The following RABGAP1L variants were observed in gnomAD, a reference collection of about 807,000 sequenced individuals.
The protein encoded by RABGAP1L is RAB GTPase activating protein 1 like.
A neutral mutation model predicts 137.7 loss-of-function variants in RABGAP1L; 63 were observed. That is an observed-to-expected ratio of 0.46 (90% CI 0.37 to 0.56). The LOEUF is 0.56. Ranked by LOEUF, RABGAP1L falls within the 20% of genes least tolerant of loss-of-function variation. RABGAP1L has a pLI of 0.00. For missense variants in RABGAP1L, 1,095 were observed against 1,244.0 expected (o/e 0.88, Z 1.80); for synonymous variants, 431 against 433.7 (o/e 0.99, Z 0.08).
rs1672029456 is a variant in RABGAP1L at position 174,991,151 on chromosome 1, G to T, written c.*1150G>T. On this transcript the variant is annotated 3_prime_UTR_variant, in exon 26 of 26. Transcript: ENST00000681986. ...ACAGAAATACTTATCTCATGGAAAG[G>T]TAAAGCTATTGTTTAAAAATTAGTG... 1 of 152,246 alleles carries T rather than the reference G, an allele frequency of 6.6e-6. No individual in the cohort carries two copies. The highest frequency in any genetic ancestry group is 2.1e-4 in the South Asian group (1 of 4,816). 9.4% of individuals were successfully genotyped at this position (152,246 alleles called of 1,614,324 possible).
chr1:174,434,059 G>C (rs1430625436), intron 13 of RABGAP1L, among the ~76,000 whole-genome samples: 1 of 150,780 alleles, frequency 6.6e-6, no homozygotes, highest in African/African-American at 2.5e-5. Context: ...CATACCTCTT[G>C]CCAGTCTTGA....
intron 18 of RABGAP1L, among the ~76,000 whole-genome samples, chr1:174,789,908 CA>C (rs1222682454): frequency 1.3e-5 from 2 of 152,044 alleles, no homozygotes; most frequent in Admixed American, 1.3e-4. Flanking sequence ...TAATTGGATA[CA>C]GAGATAATAC....
intron 13 of RABGAP1L, among the ~76,000 whole-genome samples, chr1:174,437,767 T>G (rs1447434820): frequency 1.1e-4 from 17 of 152,052 alleles, no homozygotes; most frequent in Non-Finnish European, 1.5e-5. Flanking sequence ...CACATAATTG[T>G]CAGATTTACC....
chr1:174,161,863 G>A (rs1046802130), intron 1 of RABGAP1L, among the ~76,000 whole-genome samples: 7 of 152,262 alleles, frequency 4.6e-5, no homozygotes, highest in African/African-American at 1.4e-4. Context: ...TGAGTAGCTG[G>A]GACCACAGGC....
At chr1:174,485,735 G>C (rs1659555177) in intron 13 of RABGAP1L, among the ~76,000 whole-genome samples, 1 of 152,106 alleles carries the variant, frequency 6.6e-6, no homozygotes, top group African/African-American at 2.4e-5. Flanking sequence ...GTTGAATTTG[G>C]TCTGCTAGTG....
chr1:174,516,978 T>G (rs946215407), intron 13 of RABGAP1L, among the ~76,000 whole-genome samples: 1 of 132,136 alleles, frequency 7.6e-6, no homozygotes, highest in Non-Finnish European at 1.7e-5. Flanking sequence ...TAAAATAAAT[T>G]ATTGATGCTT....
intron 9 of RABGAP1L, 55 bp from the exon 10 acceptor site, chr1:174,278,558 A>G: frequency 7.1e-7 from 1 of 1,412,628 alleles, no homozygotes; most frequent in East Asian, 2.3e-5. Context: ...AACTTTGTTT[A>G]AAGTAGACAA....
chr1:174,516,162 C>T (rs1171803211), intron 13 of RABGAP1L, among the ~76,000 whole-genome samples: 1 of 150,772 alleles, frequency 6.6e-6, no homozygotes, highest in African/African-American at 2.5e-5. Context: ...CACACACACA[C>T]ACACGCTTTG....
At chr1:174,202,312 G>A (rs1433110793) in intron 1 of RABGAP1L, among the ~76,000 whole-genome samples, 4 of 152,064 alleles carry the variant, frequency 2.6e-5, no homozygotes, top group Non-Finnish European at 2.9e-5. Flanking sequence ...TCCAGCACCT[G>A]TTGTTTCCTG....
rs188265213 is a variant in RABGAP1L, at chr1:174,416,895, A to T, written c.1710+22750A>T. ...ATATCTAGGATTTGAGGTGTTTCTT[A>T]ATTTACCAAACGGGAATTGATTATA... On this transcript the variant is annotated intron_variant, in intron 13 of 25. Transcript: ENST00000681986. Among the ~76,000 whole-genome samples the T allele has an allele frequency of 6.7e-3, 1,020 of 152,212 alleles. 12 individuals carry two copies. The highest frequency in any genetic ancestry group is 0.023 in the African/African-American group (959 of 41,534).
intron 13 of RABGAP1L, among the ~76,000 whole-genome samples, chr1:174,555,530 G>GT (rs1290926279): frequency 6.8e-6 from 1 of 147,886 alleles, no homozygotes; most frequent in African/African-American, 2.7e-5. Flanking sequence ...AAAAATGTAT[G>GT]TCCCCCCCCC....
intron 13 of RABGAP1L, among the ~76,000 whole-genome samples, chr1:174,501,451 A>G (rs1181684223): frequency 2.6e-5 from 4 of 151,948 alleles, no homozygotes; most frequent in African/African-American, 9.7e-5. Context: ...GGCCTCCCAA[A>G]GTGCTGGGAT....
chr1:174,703,795 A>G (rs1679848613), intron 17 of RABGAP1L, among the ~76,000 whole-genome samples: 1 of 152,216 alleles, frequency 6.6e-6, no homozygotes, highest in Non-Finnish European at 1.5e-5. Flanking sequence ...ATAAGATAAT[A>G]TCATGTTATG....
At chr1:174,712,832 AG>A (rs1233239335) in intron 17 of RABGAP1L, among the ~76,000 whole-genome samples, 1 of 152,174 alleles carries the variant, frequency 6.6e-6, no homozygotes, top group Non-Finnish European at 1.5e-5. Context: ...TCCATCAGTC[AG>A]TGGCCTGCTG....
chr1:174,586,900 G>A (rs768937343), intron 13 of RABGAP1L, among the ~76,000 whole-genome samples: 13 of 152,086 alleles, frequency 8.5e-5, no homozygotes, highest in Non-Finnish European at 1.5e-4. Flanking sequence ...CTGGCCAAAT[G>A]ATCTGTTTTA....
At chr1:174,279,954 T>A (rs547839179) in intron 10 of RABGAP1L, among the ~76,000 whole-genome samples, 1 of 151,936 alleles carries the variant, frequency 6.6e-6, no homozygotes, top group East Asian at 1.9e-4. Flanking sequence ...ATTCTTCTAA[T>A]GATGATAAAT....
rs202016873 is a variant in RABGAP1L at position 174,454,551 on chromosome 1, A to ATT, written c.1710+60423_1710+60424dup. Among the ~76,000 whole-genome samples, 117 of 132,828 alleles carry ATT rather than the reference A, an allele frequency of 8.8e-4. 6 individuals carry two copies. The highest frequency in any genetic ancestry group is 3.2e-3 in the South Asian group (13 of 4,106). 87.1% of individuals were successfully genotyped at this position (132,828 alleles called of 152,430 possible). A position where few individuals can be genotyped will look rare whatever the true frequency, so the allele number is the denominator to read the frequency against. ...TGAAATGGATCTCAATCACTGTAGGATTTTTTTTTTTTTTTTTTAGACAGA... is the reference window on the plus strand; with the variant it reads ...TGAAATGGATCTCAATCACTGTAGGATTTTTTTTTTTTTTTTTTTTAGACAGA... On this transcript the variant is annotated intron_variant, in intron 13 of 25. Coordinates refer to ENST00000681986, the MANE Select transcript of RABGAP1L (RefSeq NM_001366446.1).
In RABGAP1L at chr1:174,542,214, A is replaced by G. The variant is rs549510874; in HGVS notation, c.1711-95161A>G. On this transcript the variant is annotated intron_variant, in intron 13 of 25. Transcript: ENST00000681986. ...TCTGGTAGAATTCAGCTGTGAATCC[A>G]TCTGGTCCTGGACTTTTTTTGGTTG... 8.8e-4 allele frequency among the ~76,000 whole-genome samples: 134 copies of G among 152,258 alleles called. 1 individual carries two copies. The highest frequency in any genetic ancestry group is 1.6e-3 in the Non-Finnish European group (107 of 68,010).
intron 19 of RABGAP1L, among the ~76,000 whole-genome samples, chr1:174,840,586 C>A (rs1358402254): frequency 1.4e-5 from 2 of 146,132 alleles, no homozygotes; most frequent in Non-Finnish European, 3.0e-5. Context: ...CTGAGGCGTG[C>A]GGATCACCTG....
Sources: allele counts gnomAD v4.1 joint callset (sites outside exome capture counted in the v4.1 genomes callset), GRCh38; gene constraint gnomAD v4.1.1; transcripts MANE v1.5; gene names NCBI Gene and HGNC (gene_info 2026-07-23, HGNC 2026-07-21).